POMT1: variants seen among roughly 807,000 people sequenced by gnomAD.
POMT1 encodes the protein protein O-mannosyl-transferase 1.
Under a neutral mutation model 101.6 loss-of-function variants are expected in POMT1, and 85 were observed. The ratio of observed to expected loss-of-function variants is 0.84; its 90% CI spans 0.70 to 1.00. The LOEUF is 1.00. POMT1 is among the 50% of genes least tolerant of loss of function. The pLI is 0.00. For synonymous variants in POMT1, 371 were observed against 383.0 expected (o/e 0.97, Z 0.37); for missense variants, 857 against 930.4 (o/e 0.92, Z 1.03).
intron 18 of POMT1, among the ~76,000 whole-genome samples, chr9:131,521,762 CTCCAG>C (rs1949965581): frequency 6.6e-6 from 1 of 152,232 alleles, no homozygotes; most frequent in Non-Finnish European, 1.5e-5. Flanking sequence ...TTAGAGGTGT[CTCCAG>C]TCGAGTGCAG....
At chr9:131,505,054 G>C (rs1371701110) in intron 2 of POMT1, among the ~76,000 whole-genome samples, 1 of 148,102 alleles carries the variant, frequency 6.8e-6, no homozygotes, top group African/African-American at 2.5e-5. Flanking sequence ...AGGATTACAG[G>C]CGTGAGCCAC....
Position 131,515,830 on chromosome 9 carries a change from A to AG in POMT1, c.1272+308_1272+309insG, listed in dbSNP as rs1948316627. On this transcript the variant is annotated intron_variant, in intron 13 of 19. Transcript: ENST00000402686. ...CACGGAGCACTTCCTCTAACACAGG[A>AG]CACTTCCTCACACGGAGCACTTCCT... 3.3e-5 allele frequency among the ~76,000 whole-genome samples: 4 copies of AG among 122,196 alleles called. 1 individual carries two copies. The highest frequency in any genetic ancestry group is 8.7e-5 in the African/African-American group (3 of 34,462). The allele number at this position is 122,196 out of a possible 152,430, so 80.2% of individuals were successfully genotyped here. A position where few individuals can be genotyped will look rare whatever the true frequency, so the allele number is the denominator to read the frequency against.
Position 131,519,346 on chromosome 9 carries a change from CT to C in POMT1, c.1487-41del. On this transcript the variant is annotated intron_variant, in intron 15 of 19. Transcript: ENST00000402686. This position sits in a 1 kb window ranked among gnomAD's most constrained non-coding sequence, Gnocchi z 4.3. Reference sequence around the variant, plus strand: ...ACAGCTTCTGCTCTGAGCTCTTGACCTTGTGCTACTTCTATCTGTTATGCCC... The same window carrying C: ...ACAGCTTCTGCTCTGAGCTCTTGACCTGTGCTACTTCTATCTGTTATGCCC... The C allele has an allele frequency of 6.5e-7, 1 of 1,536,010 alleles. No homozygotes were observed.
chr9:131,514,081 T>G (rs974947612), intron 12 of POMT1, among the ~76,000 whole-genome samples: 2 of 152,132 alleles, frequency 1.3e-5, no homozygotes, highest in African/African-American at 4.8e-5. Context: ...TCCCCTCCCC[T>G]CCCATTGCAT....
chr9:131,515,582 G>A (rs963180146), intron 13 of POMT1, 60 bp downstream of exon 13: 55 of 1,507,380 alleles, frequency 3.6e-5, no homozygotes, highest in Non-Finnish European at 4.5e-5. Context: ...CCCTCACACG[G>A]AGCACTTCCT....
At chr9:131,510,112 C>A (rs1359913974) in intron 8 of POMT1, 116 bp downstream of exon 8, 1 of 1,612,992 alleles carries the variant, frequency 6.2e-7, no homozygotes, top group African/African-American at 1.3e-5. Context: ...GCAGGCAGGC[C>A]TGGGCAGCCT....
chr9:131,517,192 T>C (rs536295841), intron 13 of POMT1, among the ~76,000 whole-genome samples: 1 of 151,594 alleles, frequency 6.6e-6, no homozygotes, highest in South Asian at 2.1e-4. Context: ...CACCACGTCC[T>C]CATGGCCAGC....
In POMT1 at chr9:131,510,334, C is replaced by T. The variant is rs761217834; in HGVS notation, c.774C>T (p.Phe258=). The T allele has an allele frequency of 3.1e-6, 5 of 1,614,168 alleles. No homozygotes were observed. The highest frequency in any genetic ancestry group is 2.2e-5 in the South Asian group (2 of 91,092). Reference sequence around the variant, plus strand: ...TCCCGGTCGTCCTGTACTTACTGTTCTTCTACGTCCACTTGATTCTAGTCT... The same window carrying T: ...TCCCGGTCGTCCTGTACTTACTGTTTTTCTACGTCCACTTGATTCTAGTCT... The part of the protein sequence containing the change: ...LVIPVVLYLL[F]FYVHLILVFR... The change falls in exon 9 of 20, where the codon TTC becomes TTT. Residue 258 remains phenylalanine (F), a synonymous_variant. Coordinates refer to ENST00000402686, the MANE Select transcript of POMT1 (RefSeq NM_001077365.2).
chr9:131,516,355 TCA>T (rs1948650638), intron 13 of POMT1, among the ~76,000 whole-genome samples: 2 of 151,292 alleles, frequency 1.3e-5, no homozygotes, highest in African/African-American at 4.9e-5. Context: ...GAGCACTTCC[TCA>T]CACGGAGCAC....
At position 131,515,498 on chromosome 9, in the gene POMT1, G is replaced by C. The variant is rs1417849652; in HGVS notation, c.1248G>C (p.Met416Ile). 1 of 1,614,052 alleles carries C rather than the reference G, an allele frequency of 6.2e-7. No homozygotes were observed. The highest frequency in any genetic ancestry group is 8.5e-7 in the Non-Finnish European group (1 of 1,180,030). ...GCTACATTGACTATAACATCTCCAT[G>C]CCCGCCCAGAACCTCTGGAGACTGG... is the stretch of plus-strand genomic sequence containing the variant. ...VSCYIDYNISMPAQNLWRLEI... is the reference protein window; with the variant it reads ...VSCYIDYNISIPAQNLWRLEI... The change falls in exon 13 of 20, where the codon ATG becomes ATC. Residue 416 changes from methionine to isoleucine, a missense_variant. Transcript: ENST00000402686.
In POMT1 at chr9:131,519,243, G is replaced by A; in HGVS notation, c.1487-146G>A. 1 of 950,146 alleles carries A rather than the reference G, an allele frequency of 1.1e-6. No homozygotes were observed. The highest frequency in any genetic ancestry group is 1.6e-6 in the Non-Finnish European group (1 of 612,930). 58.9% of individuals were successfully genotyped at this position (950,146 alleles called of 1,614,324 possible). ...TGACCGGGCAGTCTTGGGTGTGGTG[G>A]GGAAAGCTAAGTGGAATGATGCGGT... On this transcript the variant is annotated intron_variant, in intron 15 of 19. Coordinates refer to ENST00000402686, the MANE Select transcript of POMT1 (RefSeq NM_001077365.2). The surrounding 1 kb of genome is among the most constrained non-coding windows in gnomAD (Gnocchi z 4.3).
rs1165177303 is a variant in POMT1, at chr9:131,520,152, C to T, written c.1657C>T (p.Leu553=). ...YSSSPLEWVT[L]DTNIAYWLHP... is the part of the protein sequence containing the mutation. ...CTCCAGCCCACTGGAGTGGGTCACC[C>T]TGGACACCAATATTGCCTACTGGCT... The change falls in exon 17 of 20, where the codon CTG becomes TTG. Residue 553 remains leucine (L), a synonymous_variant. Transcript: ENST00000402686. 1 of 1,613,834 alleles carries T rather than the reference C, an allele frequency of 6.2e-7. No homozygotes were observed. The highest frequency in any genetic ancestry group is 1.7e-5 in the Admixed American group (1 of 60,024).
At chr9:131,511,763 A>G (rs1359771273) in intron 10 of POMT1, 2 of 576,814 alleles carry the variant, frequency 3.5e-6, no homozygotes, top group South Asian at 4.1e-5. Flanking sequence ...TTTCCCTGAA[A>G]CCCCTTGCTA....
intron 2 of POMT1, among the ~76,000 whole-genome samples, chr9:131,505,236 T>C (rs1040574690): frequency 2.6e-5 from 4 of 151,978 alleles, no homozygotes; most frequent in African/African-American, 9.7e-5. Context: ...CAGTGGTTTT[T>C]ACTTTGCAGC....
At chr9:131,514,038 A>G (rs1167334625) in intron 12 of POMT1, among the ~76,000 whole-genome samples, 2 of 152,136 alleles carry the variant, frequency 1.3e-5, no homozygotes, top group Non-Finnish European at 2.9e-5. Flanking sequence ...CTCCCTGGAA[A>G]GGGCCCAGTA....
chr9:131,513,429 CT>C (rs1947575629), intron 12 of POMT1, 98 bp downstream of exon 12: 1 of 1,069,250 alleles, frequency 9.4e-7, no homozygotes, highest in African/African-American at 1.7e-5. Context: ...CCGCTGCCCC[CT>C]GTCTACCCAT....
chr9:131,511,322 C>G lies in POMT1; in HGVS notation c.856-15C>G, dbSNP rs1947072981. On this transcript the variant is annotated splice_polypyrimidine_tract_variant and intron_variant, in intron 9 of 19. Transcript: ENST00000402686. ...TTTCTGTCTCTCACTCATCAACCTT[C>G]TGCTTCTGTCTCAGGGAGGACTAGC... 2 of 1,602,096 alleles carry G rather than the reference C, an allele frequency of 1.2e-6. No homozygotes were observed. The highest frequency in any genetic ancestry group is 1.7e-6 in the Non-Finnish European group (2 of 1,170,586).
intron 12 of POMT1, among the ~76,000 whole-genome samples, chr9:131,513,981 G>A (rs1436497611): frequency 2.0e-5 from 3 of 152,140 alleles, no homozygotes; most frequent in South Asian, 2.1e-4. Flanking sequence ...AGCTCTCCAC[G>A]ACTCCCAGCT....
intron 17 of POMT1, chr9:131,521,032 G>A (rs1000395946): frequency 7.7e-5 from 30 of 389,612 alleles, no homozygotes; most frequent in South Asian, 5.0e-4. Flanking sequence ...TAATAGAGAC[G>A]GGGTTTCGCC....
Sources: gnomAD v4.1 joint callset for allele counts (sites outside exome capture counted in the v4.1 genomes callset) on GRCh38, gnomAD v4.1.1 for gene constraint, Gnocchi (gnomAD v3.1) non-coding constraint, MANE v1.5 for transcripts, NCBI Gene and HGNC (gene_info 2026-07-23, HGNC 2026-07-21) for gene names.